Variants in PRKG2 observed in about 807,000 individuals in gnomAD.
PRKG2 encodes protein kinase cGMP-dependent 2, also known as cGMP-dependent protein kinase 2.
A neutral mutation model predicts 97.2 loss-of-function variants in PRKG2; 33 were observed. The ratio of observed to expected loss-of-function variants is 0.34; its 90% CI spans 0.26 to 0.45. PRKG2 has a LOEUF of 0.45. Ranked by LOEUF, PRKG2 falls within the 20% of genes least tolerant of loss-of-function variation. The pLI is 1.00. For missense variants in PRKG2, 638 were observed against 900.0 expected (o/e 0.71, Z 3.73); for synonymous variants, 330 against 321.8 (o/e 1.03, Z -0.27).
chr4:81,130,232 G>T lies in PRKG2; in HGVS notation c.1776+4923C>A, dbSNP rs553729768. ...TGATGCTATTCCTTTCTGTTTGTTA[G>T]TTTTCCTTCTAACAGTCAGGCCCCT... On this transcript the variant is annotated intron_variant, in intron 14 of 18. Transcript: ENST00000264399. Among the ~76,000 whole-genome samples the T allele has an allele frequency of 4.6e-5, 7 of 152,270 alleles. No homozygotes were observed. The East Asian group carries it at 1.4e-3, about 29-fold the overall frequency.
chr4:81,165,643 T>A (rs1749918287), intron 6 of PRKG2, among the ~76,000 whole-genome samples: 1 of 152,042 alleles, frequency 6.6e-6, no homozygotes, highest in South Asian at 2.1e-4. Flanking sequence ...GAATAAAGAG[T>A]CCTTTATAAA....
At chr4:81,136,693 C>G (rs1746735416) in intron 13 of PRKG2, among the ~76,000 whole-genome samples, 1 of 152,140 alleles carries the variant, frequency 6.6e-6, no homozygotes, top group Admixed American at 6.5e-5. Context: ...CTCTCCCCTC[C>G]TCGGAGCTCA....
chr4:81,151,879 A>T, intron 8 of PRKG2, 81 bp downstream of exon 8: 2 of 1,139,148 alleles, frequency 1.8e-6, no homozygotes, highest in Non-Finnish European at 2.6e-6. Flanking sequence ...TGGTAGCTCA[A>T]TTTAACAACT....
intron 2 of PRKG2, among the ~76,000 whole-genome samples, chr4:81,186,372 A>G (rs1293352719): frequency 6.6e-6 from 1 of 152,334 alleles, no homozygotes; most frequent in Admixed American, 6.5e-5. Context: ...CTGAATGACT[A>G]CTGGGTAAAT....
intron 17 of PRKG2, among the ~76,000 whole-genome samples, chr4:81,103,924 C>T (rs903402021): frequency 2.0e-5 from 3 of 151,742 alleles, no homozygotes; most frequent in African/African-American, 2.4e-5. Context: ...CCAGCTCCTC[C>T]GGAGGCTGAG....
intron 15 of PRKG2, among the ~76,000 whole-genome samples, chr4:81,108,360 G>A (rs1367162329): frequency 1.3e-5 from 2 of 151,846 alleles, no homozygotes; most frequent in East Asian, 1.9e-4. Flanking sequence ...GATAATAAAC[G>A]AGACAGTCAG....
chr4:81,136,408 T>A (rs1188924999), intron 13 of PRKG2, among the ~76,000 whole-genome samples: 1 of 152,174 alleles, frequency 6.6e-6, no homozygotes, highest in Non-Finnish European at 1.5e-5. Context: ...GTGAATGCAA[T>A]GTGTGGCCAA....
At chr4:81,129,765 G>A (rs148463315) in intron 14 of PRKG2, among the ~76,000 whole-genome samples, 17 of 152,208 alleles carry the variant, frequency 1.1e-4, no homozygotes, top group African/African-American at 2.9e-4. Context: ...ACAGCACACC[G>A]ATGCATCTTG....
intron 14 of PRKG2, among the ~76,000 whole-genome samples, chr4:81,125,730 G>C (rs1175730775): frequency 2.6e-5 from 4 of 152,144 alleles, no homozygotes; most frequent in Non-Finnish European, 5.9e-5. Context: ...TTTTCTACTA[G>C]AAATGTAGGG....
intron 14 of PRKG2, among the ~76,000 whole-genome samples, chr4:81,125,651 C>T (rs1202975507): frequency 3.9e-5 from 6 of 152,086 alleles, no homozygotes; most frequent in African/African-American, 4.8e-5. Flanking sequence ...TTTCTTGTCA[C>T]GGAATAGGTA....
At chr4:81,135,443 A>G in intron 13 of PRKG2, 147 bp from the exon 14 acceptor site, 3 of 730,502 alleles carry the variant, frequency 4.1e-6, no homozygotes, top group Non-Finnish European at 6.1e-6. Flanking sequence ...TATACTACCC[A>G]TGAATTAAGC....
intron 5 of PRKG2, among the ~76,000 whole-genome samples, chr4:81,167,556 G>A (rs1032463147): frequency 6.6e-6 from 1 of 152,088 alleles, no homozygotes; most frequent in African/African-American, 2.4e-5. Flanking sequence ...TTGGAAGTTT[G>A]TTCCTCTCTA....
At chr4:81,141,626 T>C (rs762778601) in intron 11 of PRKG2, among the ~76,000 whole-genome samples, 7 of 152,232 alleles carry the variant, frequency 4.6e-5, no homozygotes, top group Non-Finnish European at 7.3e-5. Flanking sequence ...AGTAACTACA[T>C]TGTGCAGAAA....
chr4:81,125,175 G>A (rs1291063981), intron 14 of PRKG2, among the ~76,000 whole-genome samples: 1 of 152,048 alleles, frequency 6.6e-6, no homozygotes, highest in Non-Finnish European at 1.5e-5. Context: ...TGATTTATAA[G>A]AAATAAAATC....
chr4:81,116,694 T>C (rs1322089133), intron 14 of PRKG2, among the ~76,000 whole-genome samples: 1 of 152,176 alleles, frequency 6.6e-6, no homozygotes, highest in Non-Finnish European at 1.5e-5. Flanking sequence ...TTTTTGATTT[T>C]GTAATGTTAG....
chr4:81,177,007 C>T (rs898733540), intron 2 of PRKG2, among the ~76,000 whole-genome samples: 1 of 152,068 alleles, frequency 6.6e-6, no homozygotes, highest in African/African-American at 2.4e-5. Flanking sequence ...AGCTGGTATC[C>T]TTATCATCCC....
chr4:81,092,328 G>A, intron 18 of PRKG2, 58 bp downstream of exon 18: 1 of 1,200,806 alleles, frequency 8.3e-7, no homozygotes, highest in South Asian at 1.5e-5. Context: ...TCTAAAATCT[G>A]TGTACAAAAA....
chr4:81,164,161 A>G (rs145921791), intron 6 of PRKG2, among the ~76,000 whole-genome samples: 4 of 152,322 alleles, frequency 2.6e-5, no homozygotes, highest in African/African-American at 9.6e-5. Flanking sequence ...GGGTGAGCCA[A>G]TCATATAGAA....
Position 81,135,008 on chromosome 4 carries a change from C to T in PRKG2, c.1776+147G>A, listed in dbSNP as rs551410208. The T allele has an allele frequency of 3.5e-5, 23 of 659,182 alleles. No individual in the cohort carries two copies. The South Asian group carries it at 6.5e-4, about 19-fold the overall frequency. The allele number at this position is 659,182 out of a possible 1,614,324, so 40.8% of individuals were successfully genotyped here. A position where few individuals can be genotyped will look rare whatever the true frequency, so the allele number is the denominator to read the frequency against. ...AAATAATGTACTCATAACATTGCTC[C>T]CAGTATTGTCGGGAAATGTCAAAGG... is the stretch of plus-strand genomic sequence containing the variant. On this transcript the variant is annotated intron_variant, in intron 14 of 18. Coordinates refer to ENST00000264399, the MANE Select transcript of PRKG2 (RefSeq NM_006259.3).
Sources: gnomAD v4.1 joint callset for allele counts (sites outside exome capture counted in the v4.1 genomes callset) on GRCh38, gnomAD v4.1.1 for gene constraint, MANE v1.5 for transcripts, NCBI Gene and HGNC (gene_info 2026-07-23, HGNC 2026-07-21) for gene names.